XKRX: variants seen among roughly 807,000 people sequenced by gnomAD.
XKRX encodes the protein XK related X-linked.
Under a neutral mutation model 22.4 loss-of-function variants are expected in XKRX, and 11 were observed. That is an observed-to-expected ratio of 0.49 (90% CI 0.31 to 0.81). The LOEUF (loss-of-function observed/expected upper bound fraction) is 0.81. Ranked by LOEUF, XKRX falls within the 40% of genes least tolerant of loss-of-function variation. The pLI is 0.05. For synonymous variants in XKRX, 114 were observed against 132.2 expected, an observed-to-expected ratio of 0.86 and a Z score of 0.94; for missense variants, 320 against 336.5, an observed-to-expected ratio of 0.95 and a Z score of 0.38.
chrX:100,912,545 A>G (rs1030723832), downstream of XKRX, among the ~76,000 whole-genome samples: 3 of 112,310 alleles, frequency 2.7e-5, no homozygotes, highest in Non-Finnish European at 5.6e-5. Context: ...ATGACTAAAG[A>G]TAAATTCTTA....
At chrX:100,929,113 G>A, upstream of XKRX, 1 of 112,796 alleles carries the variant, frequency 8.9e-6, no homozygotes, top group East Asian at 2.8e-4. Flanking sequence ...CTTTGCTAGT[G>A]AGAGGCACGA....
the XKRX span, among the ~76,000 whole-genome samples, chrX:100,943,095 T>G: frequency 2.7e-3 from 297 of 111,657 alleles, 1 homozygote; most frequent in African/African-American, 9.3e-3. Context: ...ATCCTAGTTA[T>G]GCAACTAACT....
At chrX:100,951,183 G>A in the XKRX span, among the ~76,000 whole-genome samples, 68 of 94,350 alleles carry the variant, frequency 7.2e-4, no homozygotes, top group Non-Finnish European at 7.8e-4. Context: ...GCAGTGAGCC[G>A]AGATCGCATC....
the XKRX span, among the ~76,000 whole-genome samples, chrX:100,949,021 C>G: frequency 1.4e-3 from 158 of 112,780 alleles, 1 homozygote; most frequent in African/African-American, 4.9e-3. Flanking sequence ...ACAGTGCCAA[C>G]AAGGTAGAAC....
chrX:100,927,478 A>T (rs961398301), intron 1 of XKRX, among the ~76,000 whole-genome samples: 2 of 110,608 alleles, frequency 1.8e-5, no homozygotes, highest in African/African-American at 6.6e-5. Flanking sequence ...GGCCTATAAA[A>T]ATTTTTTTTT....
At chrX:100,920,389 T>C (rs1045950497) in intron 2 of XKRX, among the ~76,000 whole-genome samples, 12 of 110,731 alleles carry the variant, frequency 1.1e-4, no homozygotes, top group Admixed American at 2.9e-4. Context: ...GGCAAAAACA[T>C]GTACAATATA....
chrX:100,918,261 CA>C (rs1258844988), intron 2 of XKRX, among the ~76,000 whole-genome samples: 1 of 111,699 alleles, frequency 9.0e-6, no homozygotes, highest in Non-Finnish European at 1.9e-5. Context: ...CTGAGTTCTT[CA>C]GTTTTAAGTA....
At chrX:100,945,090 T>C in the XKRX span, among the ~76,000 whole-genome samples, 1 of 110,347 alleles carries the variant, frequency 9.1e-6, no homozygotes, top group African/African-American at 3.3e-5. Flanking sequence ...TTTTCTTTTT[T>C]TTTTTAAGAC....
In XKRX at chrX:100,914,932, A is replaced by G. The variant is rs1158855534; in HGVS notation, c.756T>C (p.Thr252=). 1 of 1,211,858 alleles carries G rather than the reference A, an allele frequency of 8.3e-7. No individual in the cohort carries two copies. Among genetic ancestry groups the G allele is most frequent in the East Asian group, 3.0e-5 (1 of 33,831 alleles). Residue 252 remains threonine, a synonymous_variant, in exon 3 of 3, where the codon ACT becomes ACC. Coordinates refer to ENST00000372956, the MANE Select transcript of XKRX (RefSeq NM_212559.3). ...CITIWRTLEI[T]SRLLILVLFS... ...AGAGCACCAGAATCAGGAGGCGGGA[A>G]GTGATCTCCAATGTCCGCCAGATGG...
chrX:100,954,486 C>T, the XKRX span, among the ~76,000 whole-genome samples: 5 of 110,948 alleles, frequency 4.5e-5, no homozygotes, highest in African/African-American at 1.6e-4. Context: ...AATAATACAG[C>T]TGCTTTGAAA....
At chrX:100,887,731 A>T in the XKRX span, 1 of 721,562 alleles carries the variant, frequency 1.4e-6, no homozygotes. Flanking sequence ...CTCCGCCACC[A>T]TAGGGGCCAG....
intron 2 of XKRX, among the ~76,000 whole-genome samples, chrX:100,916,581 G>C (rs768706520): frequency 8.9e-6 from 1 of 112,232 alleles, no homozygotes. Context: ...GAACGCTCTT[G>C]CTAATAGAAG....
rs1305141770 is a variant in XKRX at position 100,923,900 on chromosome X, G to A, written c.336-839C>T. ...CGCCCAGGCTGGAGTGCACTGGCGC[G>A]ATCTCAGCTCACTGTAACCTCTGCC... is the stretch of plus-strand genomic sequence containing the variant. On this transcript the variant is annotated intron_variant, in intron 1 of 2. Transcript: ENST00000372956. Among the ~76,000 whole-genome samples, 5 of 100,409 alleles carry A rather than the reference G, an allele frequency of 5.0e-5. No homozygotes were observed. The East Asian group carries it at 1.3e-3, about 25-fold the overall frequency. The allele number at this position is 100,409 out of a possible 115,157, so 87.2% of individuals were successfully genotyped here. A position where few individuals can be genotyped will look rare whatever the true frequency, so the allele number is the denominator to read the frequency against.
rs1199821335 is a variant in XKRX, at chrX:100,914,555, T to C, written c.1133A>G (p.Tyr378Cys). The C allele has an allele frequency of 5.8e-6, 7 of 1,210,146 alleles. No individual in the cohort carries two copies. Among genetic ancestry groups the C allele is most frequent in the Non-Finnish European group, 7.8e-6 (7 of 895,240 alleles). Residue 378 changes from tyrosine (Y) to cysteine (C), a missense_variant, in exon 3 of 3, where the codon TAC becomes TGC. By Grantham distance (194) the Tyr-to-Cys change is radical (BLOSUM62 -2). Coordinates refer to ENST00000372956, the MANE Select transcript of XKRX (RefSeq NM_212559.3). ...CTGCAAGGCAATCAAGGAATGACAG[T>C]AATTCAGTAACACTTTCACTCCAAA... ...KFFGVKVLLN[Y>C]CHSLIALQLI...
At chrX:100,922,088 CT>C (rs773276730) in intron 2 of XKRX, among the ~76,000 whole-genome samples, 15 of 110,469 alleles carry the variant, frequency 1.4e-4, no homozygotes, top group Admixed American at 8.8e-4. Context: ...CCGCCTTGGC[CT>C]CCCAAAGTGC....
At chrX:100,920,805 G>A (rs1215913724) in intron 2 of XKRX, among the ~76,000 whole-genome samples, 3 of 111,559 alleles carry the variant, frequency 2.7e-5, no homozygotes, top group African/African-American at 9.8e-5. Flanking sequence ...TGTCGCCCAG[G>A]CTGGGGTGCA....
At chrX:100,889,959 G>T in the XKRX span, among the ~76,000 whole-genome samples, 1 of 112,002 alleles carries the variant, frequency 8.9e-6, no homozygotes, top group African/African-American at 3.2e-5. Flanking sequence ...AGCCATGATT[G>T]TGCCACTGCA....
upstream of XKRX, among the ~76,000 whole-genome samples, chrX:100,934,289 T>A (rs1436124335): frequency 1.8e-5 from 2 of 111,671 alleles, no homozygotes; most frequent in East Asian, 5.6e-4. Flanking sequence ...TGGGTGGAGA[T>A]ATATTTTAAG....
chrX:100,916,203 C>T (rs190757534), intron 2 of XKRX, among the ~76,000 whole-genome samples: 7 of 110,948 alleles, frequency 6.3e-5, no homozygotes, highest in Non-Finnish European at 1.1e-4. Context: ...CGAAACATCA[C>T]ATTGTACACC....
Sources: gnomAD v4.1 joint callset for allele counts (sites outside exome capture counted in the v4.1 genomes callset) on GRCh38, gnomAD v4.1.1 for gene constraint, MANE v1.5 for transcripts, NCBI Gene and HGNC (gene_info 2026-07-23, HGNC 2026-07-21) for gene names.